CMYA5: variants seen among roughly 807,000 people sequenced by gnomAD.
The protein encoded by CMYA5 is cardiomyopathy associated 5.
A neutral mutation model predicts 318.9 loss-of-function variants in CMYA5; 246 were observed. The ratio of observed to expected loss-of-function variants is 0.77; its 90% CI spans 0.70 to 0.86. The LOEUF (loss-of-function observed/expected upper bound fraction) is 0.86. Among genes scored for constraint, CMYA5 ranks in the 40% least tolerant of loss-of-function variants. CMYA5 has a pLI of 0.00. For missense variants in CMYA5, 4,589 were observed against 4,678.2 expected (o/e 0.98, Z 0.56); for synonymous variants, 1,641 against 1,729.5 (o/e 0.95, Z 1.27).
chr5:79,762,994 C>A, intron 8 of CMYA5, 68 bp from the exon 9 acceptor site: 1 of 1,510,210 alleles, frequency 6.6e-7, no homozygotes, highest in Non-Finnish European at 9.0e-7. Context: ...TGGAAGATCA[C>A]GTGCTTCTCA....
chr5:79,794,366 G>T (rs1337876134), intron 12 of CMYA5, among the ~76,000 whole-genome samples: 1 of 152,210 alleles, frequency 6.6e-6, no homozygotes, highest in Non-Finnish European at 1.5e-5. Flanking sequence ...TTGGTTGGTT[G>T]ATGTGAAAAA....
intron 7 of CMYA5, 47 bp from the exon 8 acceptor site, chr5:79,761,764 A>C (rs1198011311): frequency 5.1e-6 from 8 of 1,560,570 alleles, no homozygotes; most frequent in Non-Finnish European, 6.9e-6. Context: ...TATAACTTTT[A>C]ATTAACTTTG....
Position 79,729,387 on chromosome 5 carries a change from A to G in CMYA5, c.622A>G (p.Ile208Val), listed in dbSNP as rs1311429524. The G allele has an allele frequency of 1.2e-6, 2 of 1,613,910 alleles. No homozygotes were observed. Among genetic ancestry groups the G allele is most frequent in the South Asian group, 1.1e-5 (1 of 91,060 alleles). Reference protein sequence around the residue: ...TSNTPPITGAIYKEHKPLVLR... With the variant: ...TSNTPPITGAVYKEHKPLVLR... ...AAATACACCTCCGATTACTGGGGCAATATACAAAGAACACAAGCCATTAGT... is the reference window on the plus strand; with the variant it reads ...AAATACACCTCCGATTACTGGGGCAGTATACAAAGAACACAAGCCATTAGT... The change falls in exon 2 of 13, where the codon ATA becomes GTA. Residue 208 changes from isoleucine to valine, a missense_variant. Ile to Val is a conservative substitution (Grantham distance 29). This residue lies in a region of CMYA5 where 2,132 missense variants were observed against 2,131.3 expected (regional missense o/e 1.00). Coordinates refer to ENST00000446378, the MANE Select transcript of CMYA5 (RefSeq NM_153610.5).
chr5:79,761,967 T>C lies in CMYA5; in HGVS notation c.11407+10T>C. The C allele has an allele frequency of 6.2e-7, 1 of 1,610,420 alleles. No homozygotes were observed. The highest frequency in any genetic ancestry group is 1.3e-5 in the African/African-American group (1 of 74,942). ...GCCATCTTTAGGACAGGTAAGGAGA[T>C]GGATGCTAAGGGTGCATTAGAAGAC... is the stretch of plus-strand genomic sequence containing the variant. On this transcript the variant is annotated intron_variant, in intron 8 of 12. Transcript: ENST00000446378.
chr5:79,738,886 C>G lies in CMYA5; in HGVS notation c.10121C>G (p.Pro3374Arg). Residue 3374 changes from proline to arginine, a missense_variant, in exon 2 of 13, where the codon CCA becomes CGA. By Grantham distance (103) the Pro-to-Arg change is moderately radical (BLOSUM62 -2). This residue lies in a region of CMYA5 where 2,431 missense variants were observed against 2,495.1 expected (regional missense o/e 0.97). Coordinates refer to ENST00000446378, the MANE Select transcript of CMYA5 (RefSeq NM_153610.5). ...NASPEVNLNV[P>R]VQVSFPEEEF... ...AGTCCAGAGGTCAATCTGAATGTCCCAGTACAAGTGTCCTTCCCGGAGGAA... is the reference window on the plus strand; with the variant it reads ...AGTCCAGAGGTCAATCTGAATGTCCGAGTACAAGTGTCCTTCCCGGAGGAA... 6.2e-7 allele frequency: 1 copy of G among 1,613,846 alleles called. No individual in the cohort carries two copies.
In CMYA5 at chr5:79,729,069, C is replaced by G; in HGVS notation, c.304C>G (p.Gln102Glu). 1 of 1,613,928 alleles carries G rather than the reference C, an allele frequency of 6.2e-7. No individual in the cohort carries two copies. The highest frequency in any genetic ancestry group is 8.5e-7 in the Non-Finnish European group (1 of 1,179,874). Residue 102 changes from glutamine (Q) to glutamate (E), a missense_variant, in exon 2 of 13, where the codon CAG (glutamine) becomes GAG (glutamate). Gln to Glu is a conservative substitution (Grantham distance 29). This residue lies in a region of CMYA5 where 2,132 missense variants were observed against 2,131.3 expected (regional missense o/e 1.00). Coordinates refer to ENST00000446378, the MANE Select transcript of CMYA5 (RefSeq NM_153610.5). ...SSTPWASEESQTSGVCSREGS... is the reference protein window; with the variant it reads ...SSTPWASEESETSGVCSREGS... ...TACTCCTTGGGCTTCAGAAGAAAGTCAGACTTCTGGTGTGTGTAGTCGGGA... is the reference window on the plus strand; with the variant it reads ...TACTCCTTGGGCTTCAGAAGAAAGTGAGACTTCTGGTGTGTGTAGTCGGGA...
intron 6 of CMYA5, among the ~76,000 whole-genome samples, chr5:79,754,759 A>G (rs1173429266): frequency 1.3e-5 from 2 of 152,142 alleles, no homozygotes; most frequent in Non-Finnish European, 1.5e-5. Context: ...TACAACCATC[A>G]CTGCCATCCT....
intron 9 of CMYA5, among the ~76,000 whole-genome samples, chr5:79,776,964 C>A (rs564028050): frequency 6.6e-6 from 1 of 152,234 alleles, no homozygotes; most frequent in South Asian, 2.1e-4. Context: ...AGAGAACAAC[C>A]ACACCCTGTA....
Position 79,758,860 on chromosome 5 carries a change from G to C in CMYA5, c.11218G>C (p.Val3740Leu). 6.2e-7 allele frequency: 1 copy of C among 1,602,898 alleles called. No individual in the cohort carries two copies. Among genetic ancestry groups the C allele is most frequent in the African/African-American group, 1.3e-5 (1 of 74,636 alleles). Reference protein sequence around the residue: ...NKEDVIDSFQVYCMEEPQDDQ... With the variant: ...NKEDVIDSFQLYCMEEPQDDQ... The stretch of plus-strand genomic sequence containing the variant: ...GGAAGATGTCATTGATTCATTTCAG[G>C]TTTACTGCATGGAGGAGCCACAAGA... The change falls in exon 7 of 13, where the codon GTT (valine) becomes CTT (leucine). Residue 3740 changes from valine (V) to leucine (L), a missense_variant. This residue lies in a region of CMYA5 where 2,431 missense variants were observed against 2,495.1 expected (regional missense o/e 0.97). Coordinates refer to ENST00000446378, the MANE Select transcript of CMYA5 (RefSeq NM_153610.5).
rs767971807 is a variant in CMYA5, at chr5:79,739,417, G to A, written c.10638+14G>A. 5.4e-6 allele frequency: 8 copies of A among 1,469,916 alleles called. No homozygotes were observed. The South Asian group carries it at 1.1e-4, about 20-fold the overall frequency. The allele number at this position is 1,469,916 out of a possible 1,614,324, so 91.1% of individuals were successfully genotyped here. A position where few individuals can be genotyped will look rare whatever the true frequency, so the allele number is the denominator to read the frequency against. ...AGTGCTGTAAAGGTAAATAGATGTTGAACACACATAATTAATAATATATAT... is the reference window on the plus strand; with the variant it reads ...AGTGCTGTAAAGGTAAATAGATGTTAAACACACATAATTAATAATATATAT... On this transcript the variant is annotated intron_variant, in intron 2 of 12. Transcript: ENST00000446378.
chr5:79,751,655 T>G (rs1451433921), intron 5 of CMYA5, among the ~76,000 whole-genome samples: 1 of 152,236 alleles, frequency 6.6e-6, no homozygotes, highest in African/African-American at 2.4e-5. Flanking sequence ...CAAAATATGT[T>G]TATTAAATGC....
chr5:79,746,152 G>A (rs146960993), intron 4 of CMYA5, among the ~76,000 whole-genome samples: 4 of 152,294 alleles, frequency 2.6e-5, no homozygotes, highest in East Asian at 1.9e-4. Flanking sequence ...TAGTGGAGAT[G>A]TTTTCCCTGA....
At chr5:79,789,274 T>G (rs1829135767) in intron 10 of CMYA5, among the ~76,000 whole-genome samples, 170 bp downstream of exon 10, 1 of 152,194 alleles carries the variant, frequency 6.6e-6, no homozygotes, top group Non-Finnish European at 1.5e-5. Context: ...TTCTTTTGTT[T>G]TTCTGCTTTA....
intron 1 of CMYA5, among the ~76,000 whole-genome samples, chr5:79,691,636 A>G (rs940235975): frequency 1.3e-5 from 2 of 152,236 alleles, no homozygotes; most frequent in Non-Finnish European, 2.9e-5. Flanking sequence ...TTTTTATTGG[A>G]TGACAAGGGT....
At chr5:79,766,260 C>T (rs907128117) in intron 9 of CMYA5, among the ~76,000 whole-genome samples, 6 of 151,938 alleles carry the variant, frequency 3.9e-5, no homozygotes, top group South Asian at 2.1e-4. Flanking sequence ...CACCAAGCCC[C>T]GCTAATTTTT....
chr5:79,698,075 T>C (rs934662581), intron 1 of CMYA5, among the ~76,000 whole-genome samples: 4 of 152,200 alleles, frequency 2.6e-5, no homozygotes, highest in African/African-American at 9.6e-5. Context: ...TACCATAATA[T>C]GTATAAAATT....
intron 1 of CMYA5, among the ~76,000 whole-genome samples, chr5:79,701,929 C>T (rs1827181104): frequency 6.6e-6 from 1 of 151,790 alleles, no homozygotes; most frequent in Non-Finnish European, 1.5e-5. Context: ...AGATGGAGAC[C>T]ATCCTGGCTA....
At chr5:79,702,323 G>A (rs1470516717) in intron 1 of CMYA5, among the ~76,000 whole-genome samples, 1 of 151,876 alleles carries the variant, frequency 6.6e-6, no homozygotes, top group Non-Finnish European at 1.5e-5. Context: ...GAAGTTTGAG[G>A]CTATGGCAAG....
chr5:79,722,090 A>G (rs1398837859), intron 1 of CMYA5, among the ~76,000 whole-genome samples: 2 of 152,240 alleles, frequency 1.3e-5, no homozygotes, highest in Non-Finnish European at 2.9e-5. Context: ...CAAATTTTGA[A>G]GTATAACTTC....
Sources: allele counts gnomAD v4.1 joint callset (sites outside exome capture counted in the v4.1 genomes callset), GRCh38; gene constraint gnomAD v4.1.1; regional missense constraint gnomAD v4.1.1; transcripts MANE v1.5; gene names NCBI Gene and HGNC (gene_info 2026-07-23, HGNC 2026-07-21).